The following ADAMTS16 variants were observed in gnomAD, a reference collection of about 807,000 sequenced individuals.
ADAMTS16 encodes the protein ADAM metallopeptidase with thrombospondin type 1 motif 16.
In ADAMTS16, 94 loss-of-function variants were observed where a neutral mutation model predicts 145.8. That is an observed-to-expected ratio of 0.64 (90% confidence interval 0.55 to 0.77). The LOEUF is 0.77. ADAMTS16 is among the 30% of genes least tolerant of loss of function. ADAMTS16 has a pLI of 0.00. For synonymous variants in ADAMTS16, 659 were observed against 604.3 expected (o/e 1.09, Z -1.33); for missense variants, 1,585 against 1,591.5 (o/e 1.00, Z 0.07).
chr5:5,306,461 A>AAG (rs375721924), intron 20 of ADAMTS16, 43 bp from the exon 21 acceptor site: 74 of 1,572,246 alleles, frequency 4.7e-5, no homozygotes, highest in Non-Finnish European at 6.3e-5. Context: ...TTTGCAAAAA[A>AAG]AGAGATTTTT....
rs59084304 is a variant in ADAMTS16, at chr5:5,311,316, A to C, written c.3411+4588A>C. On this transcript the variant is annotated intron_variant, in intron 21 of 22. Coordinates refer to ENST00000274181, the MANE Select transcript of ADAMTS16 (RefSeq NM_139056.4). Reference sequence around the variant, plus strand: ...TGACATAGGCAAAAAAAAAAAAAAAAACAAAAAAACAAAAAAACATTCTTA... The same window carrying C: ...TGACATAGGCAAAAAAAAAAAAAAACACAAAAAAACAAAAAAACATTCTTA... 4.2e-3 allele frequency among the ~76,000 whole-genome samples: 392 copies of C among 94,078 alleles called. 4 individuals are homozygous for C. Among genetic ancestry groups the C allele is most frequent in the African/African-American group, 0.016 (373 of 23,740 alleles). The allele number at this position is 94,078 out of a possible 152,430, so 61.7% of individuals were successfully genotyped here. A position where few individuals can be genotyped will look rare whatever the true frequency, so the allele number is the denominator to read the frequency against.
chr5:5,162,702 G>A (rs1348564939), intron 3 of ADAMTS16, among the ~76,000 whole-genome samples: 1 of 151,906 alleles, frequency 6.6e-6, no homozygotes, highest in East Asian at 1.9e-4. Context: ...TTATATGATT[G>A]AGTGATGAAA....
chr5:5,216,760 C>T (rs867990997), intron 10 of ADAMTS16, among the ~76,000 whole-genome samples: 1 of 119,324 alleles, frequency 8.4e-6, no homozygotes. Flanking sequence ...TCCCCCCTCC[C>T]CCCACCCCAC....
intron 8 of ADAMTS16, among the ~76,000 whole-genome samples, chr5:5,192,983 T>A (rs140264673): frequency 7.4e-4 from 112 of 152,356 alleles, no homozygotes; most frequent in African/African-American, 2.6e-3. Context: ...TAGAAAAATT[T>A]ACAACCAGGA....
At chr5:5,259,917 G>T (rs1737945318) in intron 17 of ADAMTS16, among the ~76,000 whole-genome samples, 1 of 151,806 alleles carries the variant, frequency 6.6e-6, no homozygotes, top group African/African-American at 2.4e-5. Flanking sequence ...GCTGCCCTGA[G>T]CAGCTCCCTC....
chr5:5,250,705 C>CTGTGTGTGTG (rs1342870465), intron 17 of ADAMTS16, among the ~76,000 whole-genome samples: 21 of 4,030 alleles, frequency 5.2e-3, no homozygotes, highest in Admixed American at 9.4e-3. Context: ...TCTGTCTCTT[C>CTGTGTGTGTG]TCTCTGTGTG....
intron 4 of ADAMTS16, among the ~76,000 whole-genome samples, chr5:5,184,903 A>G (rs894878491): frequency 5.3e-5 from 8 of 152,130 alleles, no homozygotes; most frequent in African/African-American, 1.9e-4. Flanking sequence ...GGTAATTAAG[A>G]ACAAGAGTTC....
At chr5:5,220,974 C>T (rs1736588196) in intron 10 of ADAMTS16, among the ~76,000 whole-genome samples, 1 of 152,102 alleles carries the variant, frequency 6.6e-6, no homozygotes, top group African/African-American at 2.4e-5. Flanking sequence ...TGCTCAGCCT[C>T]CTGAAGCAGG....
intron 21 of ADAMTS16, among the ~76,000 whole-genome samples, chr5:5,313,640 C>T (rs1740545923): frequency 6.6e-6 from 1 of 152,224 alleles, no homozygotes; most frequent in Non-Finnish European, 1.5e-5. Flanking sequence ...CAGGACAGCG[C>T]ACACACTGAT....
intron 3 of ADAMTS16, among the ~76,000 whole-genome samples, chr5:5,180,330 C>T (rs1164767646): frequency 6.6e-6 from 1 of 152,130 alleles, no homozygotes; most frequent in Non-Finnish European, 1.5e-5. Flanking sequence ...TGATGTTCTG[C>T]AGGAGTAGAT....
intron 10 of ADAMTS16, among the ~76,000 whole-genome samples, chr5:5,216,050 G>T (rs1736430821): frequency 6.6e-6 from 1 of 151,572 alleles, no homozygotes; most frequent in African/African-American, 2.4e-5. Context: ...CCTCTGGGTA[G>T]ATACCCAGTA....
chr5:5,210,368 G>GAA (rs1435722056), intron 10 of ADAMTS16, among the ~76,000 whole-genome samples: 1 of 152,164 alleles, frequency 6.6e-6, no homozygotes, highest in Non-Finnish European at 1.5e-5. Context: ...CATAGGCAAT[G>GAA]AAAAGTTAGA....
At chr5:5,197,298 C>G (rs78842706) in intron 8 of ADAMTS16, among the ~76,000 whole-genome samples, 1 of 152,142 alleles carries the variant, frequency 6.6e-6, no homozygotes, top group Admixed American at 6.5e-5. Flanking sequence ...TTGAATCACT[C>G]AAAAAATATT....
chr5:5,154,107 A>G (rs1181900951), intron 3 of ADAMTS16, among the ~76,000 whole-genome samples: 1 of 152,232 alleles, frequency 6.6e-6, no homozygotes, highest in Admixed American at 6.5e-5. Context: ...GACTTTAAAA[A>G]ATGTTCTTGA....
At chr5:5,262,626 T>A (rs1738071548) in intron 17 of ADAMTS16, 31 bp from the exon 18 acceptor site, 2 of 1,602,748 alleles carry the variant, frequency 1.2e-6, no homozygotes, top group Non-Finnish European at 1.7e-6. Context: ...TGCATGTGAG[T>A]CTTTATTCTA....
intron 3 of ADAMTS16, among the ~76,000 whole-genome samples, chr5:5,160,951 A>G (rs956048877): frequency 1.3e-5 from 2 of 152,212 alleles, no homozygotes; most frequent in African/African-American, 4.8e-5. Flanking sequence ...AGTGTTAACT[A>G]TCTTAGAATA....
chr5:5,230,958 T>C (rs536247949), intron 11 of ADAMTS16, among the ~76,000 whole-genome samples: 4 of 152,240 alleles, frequency 2.6e-5, no homozygotes, highest in Non-Finnish European at 5.9e-5. Flanking sequence ...TCCATTTTTA[T>C]GTTTCATGTC....
chr5:5,206,201 C>T (rs780213575), intron 9 of ADAMTS16, among the ~76,000 whole-genome samples: 3 of 150,698 alleles, frequency 2.0e-5, no homozygotes, highest in South Asian at 2.1e-4. Context: ...CCGAGGCGGG[C>T]GGATCACGAG....
chr5:5,312,576 T>G (rs1740503562), intron 21 of ADAMTS16, among the ~76,000 whole-genome samples: 1 of 151,722 alleles, frequency 6.6e-6, no homozygotes, highest in South Asian at 2.1e-4. Flanking sequence ...GCCTTCCAAA[T>G]AGCTGGGATT....
Sources: allele counts gnomAD v4.1 joint callset (sites outside exome capture counted in the v4.1 genomes callset), GRCh38; gene constraint gnomAD v4.1.1; transcripts MANE v1.5; gene names NCBI Gene and HGNC (gene_info 2026-07-23, HGNC 2026-07-21).